Variants in ACTN2 observed in about 807,000 individuals in gnomAD.
ACTN2 encodes actinin alpha 2.
Under a neutral mutation model 113.8 loss-of-function variants are expected in ACTN2, and 39 were observed. The ratio of observed to expected loss-of-function variants is 0.34; its 90% confidence interval spans 0.27 to 0.45. The LOEUF is 0.45. Ranked by LOEUF, ACTN2 falls within the 20% of genes least tolerant of loss-of-function variation. ACTN2 has a pLI of 1.00. For missense variants in ACTN2, 992 were observed against 1,177.9 expected (o/e 0.84, Z 2.31); for synonymous variants, 429 against 444.1 (o/e 0.97, Z 0.43).
At chr1:236,721,089 G>A (rs745357568) in intron 4 of ACTN2, among the ~76,000 whole-genome samples, 2 of 135,224 alleles carry the variant, frequency 1.5e-5, no homozygotes, top group African/African-American at 2.8e-5. Flanking sequence ...GTTCAGTGGC[G>A]CGATCTTGGC....
chr1:236,757,462 A>T, intron 17 of ACTN2, 24 bp from the exon 18 acceptor site: 1 of 1,614,074 alleles, frequency 6.2e-7, no homozygotes, highest in South Asian at 1.1e-5. Flanking sequence ...CTTAGAACTG[A>T]TCTTTCCCCT....
intron 20 of ACTN2, among the ~76,000 whole-genome samples, 197 bp downstream of exon 20, chr1:236,761,370 G>A (rs1482167868): frequency 2.0e-5 from 3 of 152,194 alleles, no homozygotes; most frequent in East Asian, 3.8e-4. Flanking sequence ...TGCCATTCCT[G>A]GCATTCGTGC....
At chr1:236,743,083 G>C in intron 11 of ACTN2, 40 bp downstream of exon 11, 1 of 1,612,102 alleles carries the variant, frequency 6.2e-7, no homozygotes, top group Non-Finnish European at 8.5e-7. Context: ...TGAAAAACCA[G>C]AGTTGAGCCA....
chr1:236,728,469 C>A (rs963694343), intron 6 of ACTN2, among the ~76,000 whole-genome samples: 1 of 152,278 alleles, frequency 6.6e-6, no homozygotes, highest in South Asian at 2.1e-4. Flanking sequence ...AAGTCAAGTT[C>A]CCTTGACTTT....
At position 236,753,765 on chromosome 1, in the gene ACTN2, T is replaced by G. The variant is rs769204448; in HGVS notation, c.1840-182T>G. ...AGTCAAAGCTAAATCAAGCTCATCC[T>G]GTAGTCCCTAGACTAGGGACTCCTC... On this transcript the variant is annotated intron_variant, in intron 15 of 20. Coordinates refer to ENST00000366578, the MANE Select transcript of ACTN2 (RefSeq NM_001103.4). The G allele has an allele frequency of 5.3e-6, 4 of 753,078 alleles. No individual in the cohort carries two copies. The East Asian group carries it at 7.5e-5, about 14-fold the overall frequency. 46.6% of individuals were successfully genotyped at this position (753,078 alleles called of 1,614,324 possible).
intron 1 of ACTN2, among the ~76,000 whole-genome samples, chr1:236,700,564 A>C (rs975193161): frequency 6.6e-6 from 1 of 152,096 alleles, no homozygotes; most frequent in Admixed American, 6.5e-5. Flanking sequence ...ACTGACCCTC[A>C]TCCCTATCAG....
intron 1 of ACTN2, among the ~76,000 whole-genome samples, chr1:236,687,692 G>A (rs707219): frequency 0.7 from 106,894 of 152,158 alleles, 37,941 homozygotes; most frequent in Admixed American, 0.76. Context: ...ACCTGCTTTA[G>A]GTGGATAGCC....
chr1:236,727,357 A>G (rs1658582457), intron 5 of ACTN2, among the ~76,000 whole-genome samples: 1 of 152,064 alleles, frequency 6.6e-6, no homozygotes, highest in Non-Finnish European at 1.5e-5. Flanking sequence ...GTTGGAGAAG[A>G]GAGAGGAACC....
At position 236,739,495 on chromosome 1, in the gene ACTN2, G is replaced by A. The variant is rs730880041; in HGVS notation, c.1070G>A (p.Arg357His). The change falls in exon 10 of 21, where the codon CGT becomes CAT. Residue 357 changes from arginine (R) to histidine (H), a missense_variant. By Grantham distance (29) the Arg-to-His change is conservative. Transcript: ENST00000366578. ...CAGACCAAGCTGCGGATCAGCAACC[G>A]TCCTGCCTTCATGCCCTCCGAGGGC... is the stretch of plus-strand genomic sequence containing the variant. ...TLQTKLRISNRPAFMPSEGKM... is the reference protein window; with the variant it reads ...TLQTKLRISNHPAFMPSEGKM... The A allele has an allele frequency of 1.4e-5, 22 of 1,614,034 alleles. No homozygotes were observed. Among genetic ancestry groups the A allele is most frequent in the East Asian group, 2.2e-5 (1 of 44,880 alleles).
chr1:236,743,597 G>A (rs1399121351), intron 11 of ACTN2, among the ~76,000 whole-genome samples: 1 of 148,850 alleles, frequency 6.7e-6, no homozygotes, highest in Non-Finnish European at 1.5e-5. Context: ...CTGTCTCCTG[G>A]ACTAAATAGT....
intron 1 of ACTN2, among the ~76,000 whole-genome samples, chr1:236,690,517 A>G (rs1296070120): frequency 6.6e-6 from 1 of 152,246 alleles, no homozygotes; most frequent in African/African-American, 2.4e-5. Context: ...CTTCACCTAG[A>G]AAATGAAGAT....
At chr1:236,757,715 G>A (rs1659591381) in intron 18 of ACTN2, 83 bp downstream of exon 18, 1 of 1,555,062 alleles carries the variant, frequency 6.4e-7, no homozygotes, top group African/African-American at 1.4e-5. Flanking sequence ...CTCGTTTTAA[G>A]TCTTAAGGCT....
At chr1:236,698,531 C>T (rs918813144) in intron 1 of ACTN2, among the ~76,000 whole-genome samples, 4 of 152,000 alleles carry the variant, frequency 2.6e-5, no homozygotes, top group Non-Finnish European at 4.4e-5. Context: ...ACAAACCATG[C>T]GTTTTGTGTT....
At chr1:236,731,442 T>G in intron 7 of ACTN2, 128 bp downstream of exon 7, 1 of 718,500 alleles carries the variant, frequency 1.4e-6, no homozygotes, top group South Asian at 1.6e-5. Context: ...TCCTAACAAA[T>G]TTCTGTCACT....
Position 236,686,696 on chromosome 1 carries a change from T to C in ACTN2, c.23T>C (p.Val8Ala). The C allele has an allele frequency of 6.4e-7, 1 of 1,565,276 alleles. No homozygotes were observed. Among genetic ancestry groups the C allele is most frequent in the Non-Finnish European group, 8.7e-7 (1 of 1,155,858 alleles). The change falls in exon 1 of 21, where the codon GTG (valine) becomes GCG (alanine). Residue 8 changes from valine to alanine, a missense_variant. Val to Ala is a moderately conservative substitution (Grantham distance 64). Coordinates refer to ENST00000366578, the MANE Select transcript of ACTN2 (RefSeq NM_001103.4). MNQIEPGVQYNYVYDEDE... is the reference protein window; with the variant it reads MNQIEPGAQYNYVYDEDE... ...GCCATGAACCAGATAGAGCCCGGCG[T>C]GCAGTACAACTACGTGTACGACGAG...
Position 236,735,504 on chromosome 1 carries a change from A to G in ACTN2, c.698-131A>G. ...TCCTGAGGTTCGGGACCACGGGCCC[A>G]TGAAACACAGAAATCTGGTCAGTGT... On this transcript the variant is annotated intron_variant, in intron 7 of 20. Transcript: ENST00000366578. The G allele has an allele frequency of 1.7e-5, 14 of 816,660 alleles. No individual in the cohort carries two copies. In the South Asian group the frequency reaches 1.8e-4, roughly 11 times the overall value. 50.6% of individuals were successfully genotyped at this position (816,660 alleles called of 1,614,324 possible).
intron 1 of ACTN2, among the ~76,000 whole-genome samples, chr1:236,693,588 C>T (rs567332291): frequency 6.6e-6 from 1 of 152,174 alleles, no homozygotes; most frequent in Non-Finnish European, 1.5e-5. Context: ...CCCTTGCCCC[C>T]TCCTCCTCTC....
At position 236,755,105 on chromosome 1, in the gene ACTN2, C is replaced by A. The variant is rs1254873442; in HGVS notation, c.2061C>A (p.Asn687Lys). ...QLKQYEHNII[N>K]YKNNIDKLEG... ...AGCAGTATGAGCACAACATCATCAA[C>A]TATAAGAACAACATCGACAAGCTGG... Residue 687 changes from asparagine (N) to lysine (K), a missense_variant, in exon 17 of 21, where the codon AAC becomes AAA. Around this residue, in one of 3 missense-constraint regions of ACTN2, gnomAD observed 736 missense variants for 815.4 expected, o/e 0.90. Coordinates refer to ENST00000366578, the MANE Select transcript of ACTN2 (RefSeq NM_001103.4). 1 of 1,614,092 alleles carries A rather than the reference C, an allele frequency of 6.2e-7. No individual in the cohort carries two copies. The highest frequency in any genetic ancestry group is 8.5e-7 in the Non-Finnish European group (1 of 1,180,060).
At chr1:236,722,838 G>T (rs1408440176) in intron 4 of ACTN2, among the ~76,000 whole-genome samples, 1 of 152,172 alleles carries the variant, frequency 6.6e-6, no homozygotes, top group Non-Finnish European at 1.5e-5. Flanking sequence ...CCAAATGGCC[G>T]CATTTCCACT....
Sources: allele counts gnomAD v4.1 joint callset (sites outside exome capture counted in the v4.1 genomes callset), GRCh38; gene constraint gnomAD v4.1.1; regional missense constraint gnomAD v4.1.1; transcripts MANE v1.5; gene names NCBI Gene and HGNC (gene_info 2026-07-23, HGNC 2026-07-21).